Variants in ADAMTSL1 observed in about 807,000 individuals in gnomAD.
The protein encoded by ADAMTSL1 is ADAMTS-like protein 1.
ADAMTSL1 carries 126 observed loss-of-function variants against 201.8 expected under a neutral mutation model. That is an observed-to-expected ratio of 0.62 (90% CI 0.54 to 0.72). ADAMTSL1 has a LOEUF of 0.72. Ranked by LOEUF, ADAMTSL1 falls within the 30% of genes least tolerant of loss-of-function variation. The pLI, the probability that ADAMTSL1 is intolerant of heterozygous loss-of-function variation, is 0.00. For missense variants in ADAMTSL1, 2,679 were observed against 2,277.8 expected, an observed-to-expected ratio of 1.18 and a Z score of -3.59; for synonymous variants, 1,121 against 903.4, an observed-to-expected ratio of 1.24 and a Z score of -4.32.
intron 2 of ADAMTSL1, among the ~76,000 whole-genome samples, chr9:18,318,884 G>A (rs2132842120): frequency 6.6e-6 from 1 of 152,278 alleles, no homozygotes; most frequent in Non-Finnish European, 1.5e-5. Context: ...TTTAGTGCGT[G>A]TGTCCACAAC....
intron 1 of ADAMTSL1, among the ~76,000 whole-genome samples, chr9:18,041,650 A>C (rs534501248): frequency 6.6e-6 from 1 of 152,142 alleles, no homozygotes; most frequent in Non-Finnish European, 1.5e-5. Context: ...CTTGGAATTA[A>C]TTTGTGGTGT....
At chr9:18,386,020 G>A (rs1837776253) in intron 2 of ADAMTSL1, among the ~76,000 whole-genome samples, 1 of 152,150 alleles carries the variant, frequency 6.6e-6, no homozygotes, top group African/African-American at 2.4e-5. Flanking sequence ...GTCAAAGAAT[G>A]CATAATAAAA....
chr9:18,815,923 C>T (rs1428411849), intron 20 of ADAMTSL1, among the ~76,000 whole-genome samples: 3 of 151,956 alleles, frequency 2.0e-5, no homozygotes, highest in African/African-American at 4.8e-5. Context: ...TTTTTGGATA[C>T]ATGTATACAT....
chr9:18,712,193 C>T (rs1480574908), intron 14 of ADAMTSL1, among the ~76,000 whole-genome samples: 1 of 152,250 alleles, frequency 6.6e-6, no homozygotes, highest in Non-Finnish European at 1.5e-5. Context: ...CAGAGCGCCT[C>T]TCCTCCTCCA....
intron 20 of ADAMTSL1, 75 bp downstream of exon 20, chr9:18,795,599 C>A (rs894227170): frequency 5.1e-5 from 75 of 1,459,192 alleles, no homozygotes; most frequent in Non-Finnish European, 6.7e-5. Context: ...TCAAACAGGC[C>A]CAGAGATGCA....
At chr9:18,305,260 C>G (rs930963666) in intron 2 of ADAMTSL1, among the ~76,000 whole-genome samples, 1 of 152,214 alleles carries the variant, frequency 6.6e-6, no homozygotes, top group African/African-American at 2.4e-5. Context: ...TCCTGGGTTT[C>G]AAGCACAAAA....
At chr9:18,498,453 C>T (rs114977324) in intron 1 of ADAMTSL1, among the ~76,000 whole-genome samples, 4,241 of 151,812 alleles carry the variant, frequency 0.028, 204 homozygotes, top group African/African-American at 0.097. Context: ...TCTTGTGTCC[C>T]AGCCTCCCAA....
chr9:18,281,229 C>A (rs1832775346), intron 2 of ADAMTSL1, among the ~76,000 whole-genome samples: 1 of 152,164 alleles, frequency 6.6e-6, no homozygotes, highest in South Asian at 2.1e-4. Flanking sequence ...ATATAATAAA[C>A]AAATGCTATA....
intron 23 of ADAMTSL1, among the ~76,000 whole-genome samples, chr9:18,832,210 C>A (rs1825030420): frequency 6.6e-6 from 1 of 152,186 alleles, no homozygotes; most frequent in African/African-American, 2.4e-5. Flanking sequence ...CCATCCTGAA[C>A]TTCCCCAGCT....
chr9:18,822,260 A>C (rs1395656936), intron 21 of ADAMTSL1, among the ~76,000 whole-genome samples: 1 of 152,266 alleles, frequency 6.6e-6, no homozygotes, highest in East Asian at 1.9e-4. Context: ...CAGGCTAGAA[A>C]AGATCATCTC....
intron 1 of ADAMTSL1, among the ~76,000 whole-genome samples, chr9:18,495,408 T>C (rs1257218015): frequency 1.3e-5 from 2 of 152,280 alleles, no homozygotes; most frequent in Admixed American, 1.3e-4. Context: ...ATAGTAAACC[T>C]GAGTAAGCAG....
intron 1 of ADAMTSL1, among the ~76,000 whole-genome samples, chr9:18,105,157 G>A (rs553277811): frequency 2.0e-5 from 3 of 152,258 alleles, no homozygotes; most frequent in East Asian, 1.9e-4. Context: ...CACCGTCTCC[G>A]CTCTTGGTTG....
At chr9:18,723,974 A>G (rs1817711652) in intron 15 of ADAMTSL1, 1 of 152,142 alleles carries the variant, frequency 6.6e-6, no homozygotes, top group Non-Finnish European at 1.5e-5. Flanking sequence ...GTTGGGAGCA[A>G]TTTAGGTCTT....
At chr9:18,528,777 G>T (rs1341059) in intron 2 of ADAMTSL1, among the ~76,000 whole-genome samples, 76,371 of 151,782 alleles carry the variant, frequency 0.5, 20,192 homozygotes, top group East Asian at 0.74. Flanking sequence ...CTGAACTCCC[G>T]AAACACAGTG....
chr9:18,528,764 G>T (rs953422414), intron 2 of ADAMTSL1, among the ~76,000 whole-genome samples: 1 of 151,966 alleles, frequency 6.6e-6, no homozygotes, highest in Non-Finnish European at 1.5e-5. Context: ...AATTGATATA[G>T]TTCTGAACTC....
intron 2 of ADAMTSL1, among the ~76,000 whole-genome samples, chr9:18,171,511 TC>T (rs1827888778): frequency 6.6e-6 from 1 of 152,132 alleles, no homozygotes; most frequent in African/African-American, 2.4e-5. Context: ...TGGAAGGTAT[TC>T]TTTGCAATGT....
chr9:18,743,266 C>CT (rs1818945888), intron 15 of ADAMTSL1, among the ~76,000 whole-genome samples: 1 of 152,092 alleles, frequency 6.6e-6, no homozygotes. Context: ...GCTGAAGACA[C>CT]TTTATATAAT....
At chr9:18,642,309 T>G (rs1287780951) in intron 7 of ADAMTSL1, among the ~76,000 whole-genome samples, 1 of 151,980 alleles carries the variant, frequency 6.6e-6, no homozygotes, top group Non-Finnish European at 1.5e-5. Context: ...TAATTAATTT[T>G]TAATTAATGA....
At chr9:17,915,800 A>G (rs1484915500) in intron 1 of ADAMTSL1, among the ~76,000 whole-genome samples, 1 of 152,164 alleles carries the variant, frequency 6.6e-6, no homozygotes, top group Non-Finnish European at 1.5e-5. Flanking sequence ...GATTAATGAT[A>G]TTGAGCATGT....
Sources: gnomAD v4.1 joint callset for allele counts (sites outside exome capture counted in the v4.1 genomes callset) on GRCh38, gnomAD v4.1.1 for gene constraint, MANE v1.5 for transcripts, NCBI Gene and HGNC (gene_info 2026-07-23, HGNC 2026-07-21) for gene names.